SH3PXD2A: variants seen among roughly 807,000 people sequenced by gnomAD.
The protein encoded by SH3PXD2A is SH3 and PX domains 2A.
SH3PXD2A carries 32 observed loss-of-function variants against 115.2 expected under a neutral mutation model. The ratio of observed to expected loss-of-function variants is 0.28; its 90% CI spans 0.21 to 0.37. The LOEUF (loss-of-function observed/expected upper bound fraction) is 0.37. Among genes scored for constraint, SH3PXD2A ranks in the 10% least tolerant of loss-of-function variants. The pLI, the probability that SH3PXD2A is intolerant of heterozygous loss-of-function variation, is 1.00. For missense variants in SH3PXD2A, 1,328 were observed against 1,498.7 expected, an observed-to-expected ratio of 0.89 and a Z score of 1.88; for synonymous variants, 610 against 629.1, an observed-to-expected ratio of 0.97 and a Z score of 0.45.
chr10:103,660,899 G>A (rs1037380326), intron 8 of SH3PXD2A, 84 bp downstream of exon 8: 1 of 1,392,006 alleles, frequency 7.2e-7, no homozygotes. Flanking sequence ...CTGCAGCGGT[G>A]GGGGAGGAGG....
At chr10:103,768,579 C>T (rs571105792) in intron 2 of SH3PXD2A, among the ~76,000 whole-genome samples, 1 of 152,152 alleles carries the variant, frequency 6.6e-6, no homozygotes, top group South Asian at 2.1e-4. Context: ...AAGGGGAAGT[C>T]CTGGAGAGTT....
intron 1 of SH3PXD2A, among the ~76,000 whole-genome samples, chr10:103,850,828 G>A (rs1163382517): frequency 6.6e-6 from 1 of 152,162 alleles, no homozygotes; most frequent in Non-Finnish European, 1.5e-5. Context: ...ATCACCTGCA[G>A]TGCCTTGGTG....
intron 6 of SH3PXD2A, among the ~76,000 whole-genome samples, chr10:103,687,991 A>G (rs1197875778): frequency 6.6e-6 from 1 of 152,050 alleles, no homozygotes; most frequent in Non-Finnish European, 1.5e-5. Context: ...CCTCCATCTA[A>G]TAGTACATTC....
At chr10:103,755,490 CTT>C (rs749969981) in intron 3 of SH3PXD2A, 1 of 152,242 alleles carries the variant, frequency 6.6e-6, no homozygotes, top group Non-Finnish European at 1.5e-5. Context: ...GTCTCGAACT[CTT>C]GAGCTTGAGC....
At chr10:103,839,788 T>C (rs1352989856) in intron 1 of SH3PXD2A, among the ~76,000 whole-genome samples, 1 of 152,210 alleles carries the variant, frequency 6.6e-6, no homozygotes, top group Non-Finnish European at 1.5e-5. Context: ...AGCATTAAAC[T>C]ACCTCCCCAA....
intron 6 of SH3PXD2A, chr10:103,677,952 C>T: frequency 2.2e-6 from 1 of 450,978 alleles, no homozygotes; most frequent in Non-Finnish European, 4.3e-6. Flanking sequence ...CACATACAGG[C>T]ATACAGGCCT....
chr10:103,751,512 G>C (rs1457094492), intron 3 of SH3PXD2A, among the ~76,000 whole-genome samples: 1 of 152,210 alleles, frequency 6.6e-6, no homozygotes, highest in Non-Finnish European at 1.5e-5. Context: ...CAAACAACTA[G>C]TAAGGAGCAC....
intron 7 of SH3PXD2A, chr10:103,662,048 G>A (rs2037314420): frequency 2.8e-6 from 2 of 724,196 alleles, no homozygotes; most frequent in Non-Finnish European, 3.4e-6. Context: ...CCCTCTGGCT[G>A]CAGAGACTGA....
At chr10:103,656,691 G>A (rs2037217237) in intron 8 of SH3PXD2A, among the ~76,000 whole-genome samples, 1 of 152,006 alleles carries the variant, frequency 6.6e-6, no homozygotes, top group Admixed American at 6.6e-5. Context: ...TTAGTCAGCC[G>A]TGGTAGCAGG....
At chr10:103,651,379 C>G in intron 8 of SH3PXD2A, among the ~76,000 whole-genome samples, 1 of 152,246 alleles carries the variant, frequency 6.6e-6, no homozygotes, top group Middle Eastern at 3.2e-3. Flanking sequence ...TTCCCTCTGA[C>G]CTGCTGCCCC....
intron 1 of SH3PXD2A, among the ~76,000 whole-genome samples, chr10:103,830,050 T>C (rs547764127): frequency 6.6e-6 from 1 of 152,334 alleles, no homozygotes; most frequent in African/African-American, 2.4e-5. Flanking sequence ...AGGGGCCATT[T>C]CTGGAGCAAT....
chr10:103,765,334 C>G (rs2038743486), intron 3 of SH3PXD2A, among the ~76,000 whole-genome samples: 1 of 152,226 alleles, frequency 6.6e-6, no homozygotes, highest in Non-Finnish European at 1.5e-5. Context: ...CCTCAGCTCA[C>G]AATGAGGTCA....
At position 103,601,044 on chromosome 10, in the gene SH3PXD2A, G is replaced by A. The variant is rs2036207587; in HGVS notation, c.*772C>T. 6.6e-6 allele frequency: 1 copy of A among 152,320 alleles called. No homozygotes were observed. The highest frequency in any genetic ancestry group is 1.5e-5 in the Non-Finnish European group (1 of 68,102). The allele number at this position is 152,320 out of a possible 1,614,324, so 9.4% of individuals were successfully genotyped here. A position where few individuals can be genotyped will look rare whatever the true frequency, so the allele number is the denominator to read the frequency against. ...CCCAGAAATACCCAAAATAGTCTGTGCAGATTAGGAAGAGACCGGTGGCTT... is the reference window on the plus strand; with the variant it reads ...CCCAGAAATACCCAAAATAGTCTGTACAGATTAGGAAGAGACCGGTGGCTT... On this transcript the variant is annotated 3_prime_UTR_variant, in exon 15 of 15. Transcript: ENST00000369774.
chr10:103,793,757 T>C (rs764723195), intron 2 of SH3PXD2A, among the ~76,000 whole-genome samples: 1 of 152,226 alleles, frequency 6.6e-6, no homozygotes, highest in Non-Finnish European at 1.5e-5. Flanking sequence ...CTCATCGCTT[T>C]AGTCTAGGGT....
intron 1 of SH3PXD2A, among the ~76,000 whole-genome samples, chr10:103,816,442 C>A (rs919827110): frequency 1.3e-5 from 2 of 152,160 alleles, no homozygotes; most frequent in African/African-American, 4.8e-5. Context: ...AAATGTAAAT[C>A]AAATCACAGT....
rs1000098008 is a variant in SH3PXD2A, at chr10:103,601,664, G to A, written c.*152C>T. The A allele has an allele frequency of 7.1e-6, 4 of 564,822 alleles. No individual in the cohort carries two copies. In the African/African-American group the frequency reaches 7.5e-5, roughly 11 times the overall value. 35.0% of individuals were successfully genotyped at this position (564,822 alleles called of 1,614,324 possible). A position where few individuals can be genotyped will look rare whatever the true frequency, so the allele number is the denominator to read the frequency against. On this transcript the variant is annotated 3_prime_UTR_variant, in exon 15 of 15. Coordinates refer to ENST00000369774, the MANE Select transcript of SH3PXD2A (RefSeq NM_001394015.1). Reference sequence around the variant, plus strand: ...CAGCTGTGGGATGGCTTGGACAGGGGGCATCTTTGAGGTCACCCATTCTGC... The same window carrying A: ...CAGCTGTGGGATGGCTTGGACAGGGAGCATCTTTGAGGTCACCCATTCTGC...
chr10:103,822,550 G>C (rs743245), intron 1 of SH3PXD2A, among the ~76,000 whole-genome samples: 55,165 of 152,142 alleles, frequency 0.36, 10,251 homozygotes, highest in South Asian at 0.47. Context: ...GGCATGGTGG[G>C]GGGGGAGCAG....
intron 8 of SH3PXD2A, among the ~76,000 whole-genome samples, chr10:103,650,157 A>T (rs1054970115): frequency 6.6e-6 from 1 of 151,880 alleles, no homozygotes; most frequent in Non-Finnish European, 1.5e-5. Context: ...GGCCCAGGCC[A>T]GGTGAGCAGC....
chr10:103,761,001 T>C (rs1312592974), intron 3 of SH3PXD2A, among the ~76,000 whole-genome samples: 1 of 152,240 alleles, frequency 6.6e-6, no homozygotes, highest in South Asian at 2.1e-4. Context: ...CACAGGTTTC[T>C]GGAATATGCC....
Sources: gnomAD v4.1 joint callset for allele counts (sites outside exome capture counted in the v4.1 genomes callset) on GRCh38, gnomAD v4.1.1 for gene constraint, MANE v1.5 for transcripts, NCBI Gene and HGNC (gene_info 2026-07-23, HGNC 2026-07-21) for gene names.